The following PCDHA12 variants were observed in gnomAD, a reference collection of about 807,000 sequenced individuals.
PCDHA12 encodes protocadherin alpha-12.
Under a neutral mutation model 60.0 loss-of-function variants are expected in PCDHA12, and 44 were observed. The observed-to-expected ratio is 0.73, with a 90% CI of 0.58 to 0.94. PCDHA12 has a LOEUF of 0.94. Among genes scored for constraint, PCDHA12 ranks in the 40% least tolerant of loss-of-function variants. The pLI, the probability that PCDHA12 is intolerant of heterozygous loss-of-function variation, is 0.00. For synonymous variants in PCDHA12, 569 were observed against 553.0 expected (o/e 1.03, Z -0.40); for missense variants, 1,276 against 1,239.7 (o/e 1.03, Z -0.44).
intron 1 of PCDHA12, among the ~76,000 whole-genome samples, chr5:140,904,904 C>A (rs1463349424): frequency 6.6e-6 from 1 of 151,948 alleles, no homozygotes; most frequent in Non-Finnish European, 1.5e-5. Context: ...GTTTTTCTTA[C>A]TGATTTGTTT....
At chr5:140,976,140 C>T (rs1276971902) in intron 1 of PCDHA12, among the ~76,000 whole-genome samples, 9 of 152,130 alleles carry the variant, frequency 5.9e-5, no homozygotes, top group African/African-American at 1.7e-4. Flanking sequence ...CTGGATGAAA[C>T]TCATGTACAT....
chr5:140,883,851 T>C, intron 1 of PCDHA12: 1 of 1,612,946 alleles, frequency 6.2e-7, no homozygotes, highest in African/African-American at 1.3e-5. Context: ...CACGAGGAGC[T>C]GGAGCTGTTG....
intron 1 of PCDHA12, among the ~76,000 whole-genome samples, chr5:140,942,021 A>C (rs2093219800): frequency 6.6e-6 from 1 of 152,198 alleles, no homozygotes; most frequent in South Asian, 2.1e-4. Context: ...TTTTGGGAAA[A>C]AATAATTCAT....
chr5:140,968,608 T>A, intron 1 of PCDHA12: 1 of 1,614,242 alleles, frequency 6.2e-7, no homozygotes, highest in Non-Finnish European at 8.5e-7. Flanking sequence ...ACTCAGACTC[T>A]GGGCAAAATG....
intron 1 of PCDHA12, among the ~76,000 whole-genome samples, chr5:140,879,542 GA>G (rs1281717017): frequency 6.6e-6 from 1 of 152,104 alleles, no homozygotes; most frequent in African/African-American, 2.4e-5. Context: ...CTCCTTTAGA[GA>G]AAAAAATAAT....
chr5:141,001,017 A>G (rs1414857051), intron 3 of PCDHA12, among the ~76,000 whole-genome samples: 2 of 152,240 alleles, frequency 1.3e-5, no homozygotes, highest in Admixed American at 1.3e-4. Flanking sequence ...TTAGATATAC[A>G]CTTATAATAA....
intron 2 of PCDHA12, among the ~76,000 whole-genome samples, chr5:140,980,790 T>G (rs557225636): frequency 5.3e-4 from 80 of 152,312 alleles, no homozygotes; most frequent in African/African-American, 1.9e-3. Flanking sequence ...TGCCATTTCT[T>G]TTTTGCATTG....
At chr5:140,967,881 G>A (rs2096193873) in intron 1 of PCDHA12, 2 of 1,614,034 alleles carry the variant, frequency 1.2e-6, no homozygotes, top group Non-Finnish European at 1.7e-6. Context: ...GACCTGTATA[G>A]CCCAGTGCCT....
At chr5:140,983,272 G>A (rs2097037556) in intron 3 of PCDHA12, among the ~76,000 whole-genome samples, 1 of 152,176 alleles carries the variant, frequency 6.6e-6, no homozygotes, top group African/African-American at 2.4e-5. Context: ...TAATGGCTGG[G>A]TGAGTATAGG....
At chr5:140,905,292 G>T (rs1394409672) in intron 1 of PCDHA12, among the ~76,000 whole-genome samples, 1 of 152,114 alleles carries the variant, frequency 6.6e-6, no homozygotes, top group African/African-American at 2.4e-5. Flanking sequence ...CTTGAATAAG[G>T]TGTCCTTTCC....
chr5:140,954,537 T>C (rs2095052425), intron 1 of PCDHA12, among the ~76,000 whole-genome samples: 1 of 152,268 alleles, frequency 6.6e-6, no homozygotes, highest in Non-Finnish European at 1.5e-5. Flanking sequence ...TTGAGGTTTT[T>C]TTCATATGTT....
At position 140,878,967 on chromosome 5, in the gene PCDHA12, C is replaced by T. The variant is rs562198206; in HGVS notation, c.2367+1128C>T. On this transcript the variant is annotated intron_variant, in intron 1 of 3. Coordinates refer to ENST00000398631, the MANE Select transcript of PCDHA12 (RefSeq NM_018903.4). ...ATGGTATTGAAATGTATTACCTGGA[C>T]ATTCCCCTCTATCTTAGAAATGAGA... Among the ~76,000 whole-genome samples, 52 of 152,298 alleles carry T rather than the reference C, an allele frequency of 3.4e-4. No individual in the cohort carries two copies. The South Asian group carries it at 0.01, about 30-fold the overall frequency.
At chr5:140,913,523 T>G (rs2076374733) in intron 1 of PCDHA12, among the ~76,000 whole-genome samples, 2 of 152,156 alleles carry the variant, frequency 1.3e-5, no homozygotes, top group Admixed American at 6.5e-5. Context: ...TATTTATCTT[T>G]TCAAAAGATT....
chr5:140,953,270 T>A (rs1362290837), intron 1 of PCDHA12, among the ~76,000 whole-genome samples: 6 of 152,152 alleles, frequency 3.9e-5, no homozygotes, highest in Non-Finnish European at 5.9e-5. Flanking sequence ...GCTTTAGCCT[T>A]TGCTCTTTAT....
intron 1 of PCDHA12, chr5:140,883,466 A>T: frequency 6.2e-7 from 1 of 1,614,128 alleles, no homozygotes; most frequent in Non-Finnish European, 8.5e-7. Flanking sequence ...GCTGGTGTCC[A>T]CCTACAAGAA....
At chr5:140,999,526 C>A (rs1429753507) in intron 3 of PCDHA12, among the ~76,000 whole-genome samples, 2 of 152,026 alleles carry the variant, frequency 1.3e-5, no homozygotes, top group Non-Finnish European at 2.9e-5. Context: ...TTTGTTACCC[C>A]CTGGATATGA....
At chr5:140,966,710 G>C in intron 1 of PCDHA12, 1 of 1,391,664 alleles carries the variant, frequency 7.2e-7, no homozygotes, top group African/African-American at 1.5e-5. Context: ...GTGGGGCACG[G>C]CTGGGGAAGC....
rs552289184 is a variant in PCDHA12, at chr5:140,942,884, T to C, written c.2368-36065T>C. 7.9e-5 allele frequency among the ~76,000 whole-genome samples: 12 copies of C among 152,178 alleles called. No individual in the cohort carries two copies. In the East Asian group the frequency reaches 2.3e-3, roughly 29 times the overall value. ...TGCTTTAGCATGACAACTTTTTTCC[T>C]AAAATTTATCTCTAAGAATAAGCGT... On this transcript the variant is annotated intron_variant, in intron 1 of 3. Transcript: ENST00000398631.
chr5:140,935,894 C>CTTTT (rs55841305), intron 1 of PCDHA12, among the ~76,000 whole-genome samples: 9 of 136,750 alleles, frequency 6.6e-5, no homozygotes, highest in South Asian at 2.3e-4. Flanking sequence ...TCAATATTAT[C>CTTTT]TTTTTTTTTT....
Sources: allele counts gnomAD v4.1 joint callset (sites outside exome capture counted in the v4.1 genomes callset), GRCh38; gene constraint gnomAD v4.1.1; transcripts MANE v1.5; gene names NCBI Gene and HGNC (gene_info 2026-07-23, HGNC 2026-07-21).